Variants in SEMA4C observed in about 807,000 individuals in gnomAD.
The protein encoded by SEMA4C is semaphorin-4C.
Under a neutral mutation model 89.0 loss-of-function variants are expected in SEMA4C, and 19 were observed. The ratio of observed to expected loss-of-function variants is 0.21; its 90% CI spans 0.15 to 0.31. The LOEUF (loss-of-function observed/expected upper bound fraction) is 0.31. Ranked by LOEUF, SEMA4C falls within the 10% of genes least tolerant of loss-of-function variation. SEMA4C has a pLI of 1.00. For synonymous variants in SEMA4C, 428 were observed against 472.7 expected, an observed-to-expected ratio of 0.91 and a Z score of 1.23; for missense variants, 811 against 1,107.0, an observed-to-expected ratio of 0.73 and a Z score of 3.79.
chr2:96,869,213 G>C (rs2080151977), intron 1 of SEMA4C: 1 of 985,366 alleles, frequency 1.0e-6, no homozygotes, highest in Non-Finnish European at 1.2e-6. Flanking sequence ...ACCCCGTGGC[G>C]TGCTCCGAGG....
At chr2:96,868,074 C>CCA in intron 1 of SEMA4C, 151 bp from the exon 2 acceptor site, 1 of 1,095,396 alleles carries the variant, frequency 9.1e-7, no homozygotes, top group Non-Finnish European at 1.3e-6. Flanking sequence ...ACCTAAGTCC[C>CCA]CACACTTGGC....
In SEMA4C at chr2:96,865,855, C is replaced by T; in HGVS notation, c.321+12G>A. ...GTGAAGGCAGCACCAGGAGCAGCGT[C>T]CAAGCACCCACCTGGTTGTTCTTCC... On this transcript the variant is annotated intron_variant, in intron 4 of 14. Coordinates refer to ENST00000305476, the MANE Select transcript of SEMA4C (RefSeq NM_017789.5). 6.2e-7 allele frequency: 1 copy of T among 1,614,014 alleles called. No homozygotes were observed. The highest frequency in any genetic ancestry group is 8.5e-7 in the Non-Finnish European group (1 of 1,179,958).
chr2:96,868,594 G>A (rs1048839724), intron 1 of SEMA4C: 1 of 985,660 alleles, frequency 1.0e-6, no homozygotes, highest in Non-Finnish European at 1.2e-6. Context: ...GAGGGAGGCA[G>A]GAAGTGGGTG....
Position 96,861,572 on chromosome 2 carries a change from A to C in SEMA4C, c.1672+7T>G, listed in dbSNP as rs2079944170. ...CAGCCCGATGCGACGGGAATGAAAA[A>C]GCTCACCTTTCTTACTGCCACGGAG... On this transcript the variant is annotated splice_region_variant and intron_variant, in intron 14 of 14. Transcript: ENST00000305476. The surrounding 1 kb of genome is among the most constrained non-coding windows in gnomAD (Gnocchi z 7.8). The C allele has an allele frequency of 6.3e-7, 1 of 1,594,944 alleles. No homozygotes were observed. Among genetic ancestry groups the C allele is most frequent in the African/African-American group, 1.3e-5 (1 of 74,320 alleles).
intron 12 of SEMA4C, 51 bp downstream of exon 12, chr2:96,863,631 G>C: frequency 6.5e-7 from 1 of 1,531,872 alleles, no homozygotes; most frequent in Non-Finnish European, 9.0e-7. Flanking sequence ...GATGGAGAGA[G>C]TGAGATGGGA....
intron 1 of SEMA4C, chr2:96,868,420 T>G (rs2080130894): frequency 1.0e-6 from 1 of 1,000,576 alleles, no homozygotes; most frequent in South Asian, 4.3e-5. Flanking sequence ...GGAAACCTGG[T>G]GCGGCCGGCT....
chr2:96,865,557 T>C lies in SEMA4C; in HGVS notation c.421-20A>G, dbSNP rs2080049643. 1 of 1,607,622 alleles carries C rather than the reference T, an allele frequency of 6.2e-7. No individual in the cohort carries two copies. The highest frequency in any genetic ancestry group is 8.5e-7 in the Non-Finnish European group (1 of 1,176,596). On this transcript the variant is annotated intron_variant, in intron 5 of 14. Transcript: ENST00000305476. ...CATGTTCTAAGGACAGAGAGAGAGG[T>C]GATGAGGAGATGCTTAAGGGCAGGG...
chr2:96,868,180 G>A (rs2080124490), intron 1 of SEMA4C, among the ~76,000 whole-genome samples: 2 of 152,214 alleles, frequency 1.3e-5, no homozygotes, highest in Admixed American at 1.3e-4. Context: ...CTGGCCTCCA[G>A]ACCCACCACT....
chr2:96,863,310 G>A, intron 12 of SEMA4C: 7 of 1,036,830 alleles, frequency 6.8e-6, no homozygotes, highest in Non-Finnish European at 8.1e-6. Flanking sequence ...CATGGTGAGG[G>A]CATCATAAAC....
rs2079942790 is a variant in SEMA4C at position 96,861,514 on chromosome 2, G to A, written c.1673-59C>T. 3.1e-6 allele frequency: 5 copies of A among 1,609,074 alleles called. No homozygotes were observed. Among genetic ancestry groups the A allele is most frequent in the Non-Finnish European group, 4.3e-6 (5 of 1,175,938 alleles). On this transcript the variant is annotated intron_variant, in intron 14 of 14. Transcript: ENST00000305476. This position sits in a 1 kb window ranked among gnomAD's most constrained non-coding sequence, Gnocchi z 7.8. ...TGCAGGAAAGCAGGGCTGGGGAAGA[G>A]GAGAACAGAAACTCCAGCTCTGGTC...
At chr2:96,862,127 C>T (rs1032632262) in intron 12 of SEMA4C, 4 of 527,450 alleles carry the variant, frequency 7.6e-6, no homozygotes, top group African/African-American at 3.8e-5. Context: ...AGCCCCTTAT[C>T]GACGTGACGT....
At chr2:96,863,573 TA>T in intron 12 of SEMA4C, 108 bp downstream of exon 12, 1 of 1,286,908 alleles carries the variant, frequency 7.8e-7, no homozygotes, top group Non-Finnish European at 1.1e-6. Flanking sequence ...TGTGTGTTCC[TA>T]ACTCTGCACT....
chr2:96,868,880 C>A lies in SEMA4C; in HGVS notation c.-37-957G>T, dbSNP rs1378009638. ...GGGACTGCGCCCCAGGGACCCTGGC[C>A]TGGGCGGGCCAGCGGGATTGGCTTC... On this transcript the variant is annotated intron_variant, in intron 1 of 14. Transcript: ENST00000305476. 3 of 985,310 alleles carry A rather than the reference C, an allele frequency of 3.0e-6. No individual in the cohort carries two copies. In the African/African-American group the frequency reaches 5.2e-5, roughly 17 times the overall value. The allele number at this position is 985,310 out of a possible 1,614,324, so 61.0% of individuals were successfully genotyped here.
In SEMA4C at chr2:96,866,406, G is replaced by A; in HGVS notation, c.135C>T (p.Phe45=). 6.2e-7 allele frequency: 1 copy of A among 1,613,916 alleles called. No individual in the cohort carries two copies. Among genetic ancestry groups the A allele is most frequent in the Non-Finnish European group, 8.5e-7 (1 of 1,180,042 alleles). The change falls in exon 3 of 15, where the codon TTC becomes TTT. Residue 45 remains phenylalanine, a synonymous_variant. Transcript: ENST00000305476. ...SGELATVVRR[F]SQTGIQDFLT... Reference sequence around the variant, plus strand: ...GGAAGTCCTGGATGCCGGTCTGGGAGAACCGCCGTACTACCGTGGCCAGCT... The same window carrying A: ...GGAAGTCCTGGATGCCGGTCTGGGAAAACCGCCGTACTACCGTGGCCAGCT...
At chr2:96,868,036 C>A in intron 1 of SEMA4C, 113 bp from the exon 2 acceptor site, 1 of 1,359,614 alleles carries the variant, frequency 7.4e-7, no homozygotes, top group Non-Finnish European at 9.9e-7. Flanking sequence ...AGCCCCGGTG[C>A]CCTCCTTCCC....
upstream of SEMA4C, chr2:96,870,649 C>G: frequency 2.0e-6 from 2 of 985,492 alleles, no homozygotes; most frequent in Non-Finnish European, 2.4e-6. Context: ...ACCCTTCAAT[C>G]AACAGAAAGG....
intron 1 of SEMA4C, chr2:96,869,219 C>T (rs932680623): frequency 2.0e-6 from 2 of 985,278 alleles, no homozygotes; most frequent in Non-Finnish European, 1.2e-6. Flanking sequence ...TGGCGTGCTC[C>T]GAGGATCCGC....
chr2:96,860,511 A>G lies in SEMA4C; in HGVS notation c.*115T>C. On this transcript the variant is annotated 3_prime_UTR_variant, in exon 15 of 15. Coordinates refer to ENST00000305476, the MANE Select transcript of SEMA4C (RefSeq NM_017789.5). ...CCTCATGGCCGGGTGGGTGCTGGGC[A>G]GTATCTGTCCCAGACAGAGCAGGTG... 1.1e-6 allele frequency: 1 copy of G among 930,998 alleles called. No homozygotes were observed. Among genetic ancestry groups the G allele is most frequent in the Non-Finnish European group, 1.6e-6 (1 of 630,532 alleles). The allele number at this position is 930,998 out of a possible 1,614,324, so 57.7% of individuals were successfully genotyped here. A position where few individuals can be genotyped will look rare whatever the true frequency, so the allele number is the denominator to read the frequency against.
intron 2 of SEMA4C, 25 bp downstream of exon 2, chr2:96,867,753 C>T: frequency 3.1e-6 from 5 of 1,608,162 alleles, no homozygotes; most frequent in Non-Finnish European, 4.3e-6. Flanking sequence ...TCCCTGACTT[C>T]CTCCTCACCC....
Sources: gnomAD v4.1 joint callset for allele counts (sites outside exome capture counted in the v4.1 genomes callset) on GRCh38, gnomAD v4.1.1 for gene constraint, Gnocchi (gnomAD v3.1) non-coding constraint, MANE v1.5 for transcripts, NCBI Gene and HGNC (gene_info 2026-07-23, HGNC 2026-07-21) for gene names.